RASGRP1: variants seen among roughly 807,000 people sequenced by gnomAD.
The protein encoded by RASGRP1 is RAS guanyl-releasing protein 1.
RASGRP1 carries 37 observed loss-of-function variants against 95.1 expected under a neutral mutation model. The ratio of observed to expected loss-of-function variants is 0.39; its 90% CI spans 0.30 to 0.51. The LOEUF (loss-of-function observed/expected upper bound fraction) is 0.51. Among genes scored for constraint, RASGRP1 ranks in the 20% least tolerant of loss-of-function variants. The pLI is 0.80. For synonymous variants in RASGRP1, 325 were observed against 353.4 expected (o/e 0.92, Z 0.90); for missense variants, 711 against 965.4 (o/e 0.74, Z 3.49).
In RASGRP1 at chr15:38,489,262, T is replaced by C. The variant is rs1890477302; in HGVS notation, c.*1292A>G. 6.6e-6 allele frequency: 1 copy of C among 151,782 alleles called. No homozygotes were observed. 9.4% of individuals were successfully genotyped at this position (151,782 alleles called of 1,614,324 possible). On this transcript the variant is annotated 3_prime_UTR_variant, in exon 17 of 17. Coordinates refer to ENST00000310803, the MANE Select transcript of RASGRP1 (RefSeq NM_005739.4). ...AATGATCATATGATTTTTTTTTTTTTAAGAGAACTAAAAAGAGGCTGACAA... is the reference window on the plus strand; with the variant it reads ...AATGATCATATGATTTTTTTTTTTTCAAGAGAACTAAAAAGAGGCTGACAA...
At chr15:38,564,535 G>C in intron 1 of RASGRP1, 59 bp downstream of exon 1, 1 of 1,311,488 alleles carries the variant, frequency 7.6e-7, no homozygotes, top group South Asian at 2.4e-5. Context: ...GACGGGCAGG[G>C]GCCTCTTTCC....
At chr15:38,527,557 C>T (rs1892269272) in intron 2 of RASGRP1, among the ~76,000 whole-genome samples, 1 of 152,168 alleles carries the variant, frequency 6.6e-6, no homozygotes, top group African/African-American at 2.4e-5. Context: ...ATTACAATGT[C>T]TTCATTTATA....
In RASGRP1 at chr15:38,547,108, A is replaced by G. The variant is rs548356749; in HGVS notation, c.220+12713T>C. 7.9e-5 allele frequency among the ~76,000 whole-genome samples: 12 copies of G among 152,340 alleles called. No homozygotes were observed. In the East Asian group the frequency reaches 2.3e-3, roughly 29 times the overall value. Reference sequence around the variant, plus strand: ...TGCAGAAGGACATCCTTCAATACTCATATCTACATGTATACACTTTGAGTA... The same window carrying G: ...TGCAGAAGGACATCCTTCAATACTCGTATCTACATGTATACACTTTGAGTA... On this transcript the variant is annotated intron_variant, in intron 2 of 16. Transcript: ENST00000310803.
chr15:38,498,420 CACATAT>C (rs1890881415), intron 15 of RASGRP1, among the ~76,000 whole-genome samples: 1 of 152,158 alleles, frequency 6.6e-6, no homozygotes, highest in Admixed American at 6.5e-5. Context: ...TATATACACA[CACATAT>C]ACATATGCAT....
At chr15:38,539,420 G>C (rs1892778777) in intron 2 of RASGRP1, among the ~76,000 whole-genome samples, 1 of 152,186 alleles carries the variant, frequency 6.6e-6, no homozygotes, top group African/African-American at 2.4e-5. Context: ...ACAGAGTCAA[G>C]AGAGGTAAAA....
At chr15:38,499,100 C>T in intron 14 of RASGRP1, 154 bp from the exon 15 acceptor site, 1 of 1,062,124 alleles carries the variant, frequency 9.4e-7, no homozygotes, top group Non-Finnish European at 1.4e-6. Flanking sequence ...AGCTAGCATT[C>T]TTCTCACTTG....
At chr15:38,495,545 G>A (rs1211031979) in intron 15 of RASGRP1, among the ~76,000 whole-genome samples, 1 of 152,148 alleles carries the variant, frequency 6.6e-6, no homozygotes, top group Non-Finnish European at 1.5e-5. Flanking sequence ...CATTGGATTA[G>A]TATAGTCAAG....
At chr15:38,559,448 T>C (rs1484381299) in intron 2 of RASGRP1, among the ~76,000 whole-genome samples, 1 of 152,234 alleles carries the variant, frequency 6.6e-6, no homozygotes, top group Non-Finnish European at 1.5e-5. Context: ...CAATTTCTGT[T>C]TGATAACAAA....
Position 38,512,959 on chromosome 15 carries a change from G to T in RASGRP1, c.676-3C>A, listed in dbSNP as rs1264800010. 6.6e-7 allele frequency: 1 copy of T among 1,517,088 alleles called. No individual in the cohort carries two copies. The highest frequency in any genetic ancestry group is 8.8e-7 in the Non-Finnish European group (1 of 1,135,912). 94.0% of individuals were successfully genotyped at this position (1,517,088 alleles called of 1,614,324 possible). On this transcript the variant is annotated splice_polypyrimidine_tract_variant and splice_region_variant and intron_variant, in intron 6 of 16. Transcript: ENST00000310803. The stretch of plus-strand genomic sequence containing the variant: ...AGGTAATTCTGATAATCAGAGAACT[G>T]CAGGAAAAGAAACAACAACAACAAA...
At chr15:38,495,204 C>T (rs1043648923) in intron 15 of RASGRP1, among the ~76,000 whole-genome samples, 4 of 152,188 alleles carry the variant, frequency 2.6e-5, no homozygotes. Flanking sequence ...CAGGTAAGTA[C>T]TCTCTGGGAA....
rs777619685 is a variant in RASGRP1 at position 38,518,412 on chromosome 15, G to A, written c.401C>T (p.Thr134Ile). ...CATTTTAAACATGACCCAGAATTCT[G>A]TTATCCAATACCTACAAGGAGGGGG... ...KICYFVRYWI[T>I]EFWVMFKMDA... The change falls in exon 5 of 17, where the codon ACA becomes ATA. Residue 134 changes from threonine to isoleucine, a missense_variant. This residue lies in a region of RASGRP1 where 491 missense variants were observed against 676.6 expected (regional missense o/e 0.73). Transcript: ENST00000310803. 2 of 1,603,882 alleles carry A rather than the reference G, an allele frequency of 1.2e-6. No homozygotes were observed. Among genetic ancestry groups the A allele is most frequent in the South Asian group, 1.1e-5 (1 of 88,920 alleles).
intron 3 of RASGRP1, among the ~76,000 whole-genome samples, chr15:38,525,369 A>G (rs956689090): frequency 6.6e-6 from 1 of 152,202 alleles, no homozygotes; most frequent in Non-Finnish European, 1.5e-5. Flanking sequence ...AAATTAATAA[A>G]AAGTAGACAC....
chr15:38,506,616 T>C (rs1362360186), intron 9 of RASGRP1, among the ~76,000 whole-genome samples: 1 of 119,030 alleles, frequency 8.4e-6, no homozygotes. Context: ...GTCTAGGTCA[T>C]AGAGCCAGAC....
At chr15:38,563,490 C>G (rs992826901) in intron 1 of RASGRP1, among the ~76,000 whole-genome samples, 1 of 152,176 alleles carries the variant, frequency 6.6e-6, no homozygotes, top group Non-Finnish European at 1.5e-5. Context: ...CAGTTTCAGG[C>G]TGAGCTTTTT....
intron 2 of RASGRP1, chr15:38,534,739 A>T (rs888063368): frequency 3.9e-5 from 6 of 152,228 alleles, no homozygotes; most frequent in Non-Finnish European, 4.4e-5. Flanking sequence ...CCCCAGACAA[A>T]GGTGATTTGT....
chr15:38,544,287 C>G (rs577429458), intron 2 of RASGRP1, among the ~76,000 whole-genome samples: 6 of 152,310 alleles, frequency 3.9e-5, no homozygotes, highest in Middle Eastern at 6.8e-3. Context: ...AGAGTCTCAT[C>G]ATATCCATGC....
intron 5 of RASGRP1, 113 bp downstream of exon 5, chr15:38,518,179 G>A (rs1595850422): frequency 2.0e-6 from 2 of 1,002,036 alleles, no homozygotes; most frequent in Middle Eastern, 2.4e-4. Context: ...GCTTCTCAGA[G>A]TGGAGAAAGA....
At position 38,526,332 on chromosome 15, in the gene RASGRP1, G is replaced by A. The variant is rs1394420446; in HGVS notation, c.293C>T (p.Ser98Phe). The A allele has an allele frequency of 1.2e-6, 2 of 1,613,200 alleles. No homozygotes were observed. Among genetic ancestry groups the A allele is most frequent in the South Asian group, 1.1e-5 (1 of 91,068 alleles). Residue 98 changes from serine to phenylalanine, a missense_variant, in exon 3 of 17, where the codon TCC becomes TTC. Around this residue, in one of 3 missense-constraint regions of RASGRP1, gnomAD observed 491 missense variants for 676.6 expected, o/e 0.73. Coordinates refer to ENST00000310803, the MANE Select transcript of RASGRP1 (RefSeq NM_005739.4). ...AACTTTTTGGAGCAGTTCTGCAGAG[G>A]AGATGACAATTCGGTGCATGGTCAG... ...VMLTMHRIVI[S>F]SAELLQKVIT... is the part of the protein sequence containing the mutation.
intron 11 of RASGRP1, 29 bp from the exon 12 acceptor site, chr15:38,502,450 A>T (rs1340539527): frequency 7.2e-7 from 1 of 1,394,168 alleles, no homozygotes; most frequent in Non-Finnish European, 1.0e-6. Context: ...TTTGGTGATT[A>T]CTAAAGAGAA....
Sources: gnomAD v4.1 joint callset for allele counts (sites outside exome capture counted in the v4.1 genomes callset) on GRCh38, gnomAD v4.1.1 for gene constraint, gnomAD v4.1.1 regional missense constraint, MANE v1.5 for transcripts, NCBI Gene and HGNC (gene_info 2026-07-23, HGNC 2026-07-21) for gene names.